TFPI: variants seen among roughly 807,000 people sequenced by gnomAD.
TFPI encodes tissue factor pathway inhibitor.
In TFPI, 15 loss-of-function variants were observed where a neutral mutation model predicts 34.6. That is an observed-to-expected ratio of 0.43 (90% confidence interval 0.29 to 0.67). The LOEUF (loss-of-function observed/expected upper bound fraction) is 0.67, where lower values mean the gene tolerates loss of function less well. Ranked by LOEUF, TFPI falls within the 30% of genes least tolerant of loss-of-function variation. TFPI has a pLI of 0.15. For synonymous variants in TFPI, 105 were observed against 120.1 expected (o/e 0.87, Z 0.82); for missense variants, 301 against 364.0 (o/e 0.83, Z 1.41).
chr2:187,544,288 AAT>A (rs1688733549), intron 1 of TFPI, among the ~76,000 whole-genome samples: 1 of 152,218 alleles, frequency 6.6e-6, no homozygotes, highest in African/African-American at 2.4e-5. Context: ...AGCAATGCTT[AAT>A]TTTTTACCAT....
chr2:187,547,252 T>A (rs781365833), intron 1 of TFPI: 2 of 152,218 alleles, frequency 1.3e-5, no homozygotes, highest in Non-Finnish European at 2.9e-5. Flanking sequence ...GAGACTGGAT[T>A]TCTAGAACCT....
chr2:187,507,780 T>C (rs1468465221), intron 1 of TFPI, among the ~76,000 whole-genome samples: 1 of 152,156 alleles, frequency 6.6e-6, no homozygotes, highest in Non-Finnish European at 1.5e-5. Flanking sequence ...CTCTGATGAT[T>C]GTTTCTTTTG....
At chr2:187,486,626 A>T (rs1188325468) in intron 4 of TFPI, among the ~76,000 whole-genome samples, 1 of 151,648 alleles carries the variant, frequency 6.6e-6, no homozygotes, top group Non-Finnish European at 1.5e-5. Context: ...CATGTAAAAT[A>T]ATTCTTTTTT....
intron 1 of TFPI, among the ~76,000 whole-genome samples, chr2:187,553,343 C>T (rs1178075906): frequency 6.6e-6 from 1 of 152,026 alleles, no homozygotes; most frequent in Non-Finnish European, 1.5e-5. Context: ...AGCACTGAGT[C>T]ACAGTGTGGC....
At chr2:187,498,830 C>A (rs1341931230) in intron 2 of TFPI, among the ~76,000 whole-genome samples, 1 of 151,850 alleles carries the variant, frequency 6.6e-6, no homozygotes, top group Admixed American at 6.6e-5. Flanking sequence ...ATAGTTTCAG[C>A]ACCAAACACA....
intron 2 of TFPI, among the ~76,000 whole-genome samples, chr2:187,503,002 A>G (rs1685952823): frequency 6.6e-6 from 1 of 152,106 alleles, no homozygotes; most frequent in African/African-American, 2.4e-5. Context: ...TCTGTCAACA[A>G]TTTACTAATT....
At chr2:187,474,250 G>T (rs1692228279) in intron 6 of TFPI, among the ~76,000 whole-genome samples, 1 of 152,070 alleles carries the variant, frequency 6.6e-6, no homozygotes. Flanking sequence ...CTGTTGATCA[G>T]CTTTTTAGGA....
In TFPI at chr2:187,545,144, T is replaced by C. The variant is rs901251807; in HGVS notation, c.-3+9056A>G. Among the ~76,000 whole-genome samples the C allele has an allele frequency of 3.2e-4, 49 of 152,062 alleles. 1 individual carries two copies. Among genetic ancestry groups the C allele is most frequent in the African/African-American group, 1.1e-3 (47 of 41,426 alleles). Reference sequence around the variant, plus strand: ...GAAAAAAGAAAAAGAAAAATAATTGTTTCACTCTTTTAAGTACAAAAGTAA... The same window carrying C: ...GAAAAAAGAAAAAGAAAAATAATTGCTTCACTCTTTTAAGTACAAAAGTAA... On this transcript the variant is annotated intron_variant, in intron 1 of 7. Transcript: ENST00000233156.
chr2:187,496,903 C>G lies in TFPI; in HGVS notation c.297G>C (p.Glu99Asp). The G allele has an allele frequency of 1.9e-6, 3 of 1,612,626 alleles. No individual in the cohort carries two copies. Among genetic ancestry groups the G allele is most frequent in the Non-Finnish European group, 2.5e-6 (3 of 1,179,174 alleles). ...GNQNRFESLE[E>D]CKKMCTRDNA... ...TACCTCTTGTACACATTTTTTTGCA[C>G]TCTTCCAGACTTTCAAATCGATTCT... The change falls in exon 3 of 8, where the codon GAG becomes GAC. Residue 99 changes from glutamate to aspartate, a missense_variant. Glu to Asp is a conservative substitution (Grantham distance 45, BLOSUM62 2). Transcript: ENST00000233156.
At chr2:187,539,534 G>A (rs904961347) in intron 1 of TFPI, among the ~76,000 whole-genome samples, 2 of 152,198 alleles carry the variant, frequency 1.3e-5, no homozygotes, top group African/African-American at 2.4e-5. Flanking sequence ...TGAAGATAAT[G>A]TGTAAATACA....
intron 3 of TFPI, among the ~76,000 whole-genome samples, chr2:187,493,854 A>G (rs1238964620): frequency 6.6e-6 from 1 of 152,160 alleles, no homozygotes; most frequent in Non-Finnish European, 1.5e-5. Flanking sequence ...TATCGTTCAT[A>G]TCACTATCAG....
intron 4 of TFPI, among the ~76,000 whole-genome samples, chr2:187,486,400 A>G (rs901314952): frequency 1.3e-5 from 2 of 151,626 alleles, no homozygotes; most frequent in African/African-American, 4.8e-5. Context: ...TATTGCATAT[A>G]AAAAACATAA....
chr2:187,541,958 G>T (rs562012773), intron 1 of TFPI, among the ~76,000 whole-genome samples: 1 of 152,196 alleles, frequency 6.6e-6, no homozygotes, highest in African/African-American at 2.4e-5. Flanking sequence ...CACATGCATG[G>T]GATTTAATGA....
At position 187,484,956 on chromosome 2, in the gene TFPI, A is replaced by T. The variant is rs753512380; in HGVS notation, c.390T>A (p.Asp130Glu). 2 of 1,508,114 alleles carry T rather than the reference A, an allele frequency of 1.3e-6. No individual in the cohort carries two copies. The highest frequency in any genetic ancestry group is 2.5e-5 in the East Asian group (1 of 40,004). 93.4% of individuals were successfully genotyped at this position (1,508,114 alleles called of 1,614,324 possible). A position where few individuals can be genotyped will look rare whatever the true frequency, so the allele number is the denominator to read the frequency against. The change falls in exon 5 of 8, where the codon GAT (aspartate) becomes GAA (glutamate). Residue 130 changes from aspartate to glutamate, a missense_variant. By Grantham distance (45) the Asp-to-Glu change is conservative (BLOSUM62 2). Transcript: ENST00000233156. ...EKPDFCFLEE[D>E]PGICRGYITR... The stretch of plus-strand genomic sequence containing the variant: ...TAATATAACCTCGACATATTCCAGG[A>T]TCTTCTTCCAAAAAGCAGAAATCTG...
At chr2:187,541,064 A>C (rs1057475622) in intron 1 of TFPI, among the ~76,000 whole-genome samples, 1 of 152,142 alleles carries the variant, frequency 6.6e-6, no homozygotes. Flanking sequence ...ACACATTTTC[A>C]TATATCTTCT....
rs201379726 is a variant in TFPI, at chr2:187,467,739, A to G, written c.808+14T>C. Reference sequence around the variant, plus strand: ...TAAACACTAGTCAATTAATGGGAAGAGTATCTTCTATACCTTTTTTACATG... The same window carrying G: ...TAAACACTAGTCAATTAATGGGAAGGGTATCTTCTATACCTTTTTTACATG... On this transcript the variant is annotated intron_variant, in intron 7 of 7. Coordinates refer to ENST00000233156, the MANE Select transcript of TFPI (RefSeq NM_006287.6). 155 of 1,562,322 alleles carry G rather than the reference A, an allele frequency of 9.9e-5. No homozygotes were observed. The East Asian group carries it at 3.5e-3, about 35-fold the overall frequency.
At chr2:187,506,150 A>G (rs1376965795) in intron 1 of TFPI, among the ~76,000 whole-genome samples, 1 of 152,078 alleles carries the variant, frequency 6.6e-6, no homozygotes, top group East Asian at 1.9e-4. Flanking sequence ...ACCATGCAAA[A>G]TCTTTTTCCT....
At chr2:187,505,933 A>G (rs972050595) in intron 1 of TFPI, among the ~76,000 whole-genome samples, 1 of 129,246 alleles carries the variant, frequency 7.7e-6, no homozygotes, top group Non-Finnish European at 1.6e-5. Flanking sequence ...AAATGACTAT[A>G]TGACTATATG....
In TFPI at chr2:187,464,321, A is replaced by G. The variant is rs1691617003; in HGVS notation, c.*2615T>C. The G allele has an allele frequency of 6.6e-6, 1 of 152,192 alleles. No individual in the cohort carries two copies. Among genetic ancestry groups the G allele is most frequent in the South Asian group, 2.1e-4 (1 of 4,834 alleles). The allele number at this position is 152,192 out of a possible 1,614,324, so 9.4% of individuals were successfully genotyped here. A position where few individuals can be genotyped will look rare whatever the true frequency, so the allele number is the denominator to read the frequency against. On this transcript the variant is annotated 3_prime_UTR_variant, in exon 8 of 8. Transcript: ENST00000233156. ...TCAGCATGATCTGTTAATTTTGAATACAGAGAATGAACAAAGCAGGTAAAT... is the reference window on the plus strand; with the variant it reads ...TCAGCATGATCTGTTAATTTTGAATGCAGAGAATGAACAAAGCAGGTAAAT...
Sources: gnomAD v4.1 joint callset for allele counts (sites outside exome capture counted in the v4.1 genomes callset) on GRCh38, gnomAD v4.1.1 for gene constraint, MANE v1.5 for transcripts, NCBI Gene and HGNC (gene_info 2026-07-23, HGNC 2026-07-21) for gene names.